NOMO1: variants seen among roughly 807,000 people sequenced by gnomAD.
NOMO1 encodes the protein nodal modulator 3.
Under a neutral mutation model 133.8 loss-of-function variants are expected in NOMO1, and 40 were observed. The observed-to-expected ratio is 0.30, with a 90% CI of 0.23 to 0.39. The LOEUF (loss-of-function observed/expected upper bound fraction) is 0.39. Ranked by LOEUF, NOMO1 falls within the 10% of genes least tolerant of loss-of-function variation. The probability of loss-of-function intolerance (pLI) is 1.00; values close to 1 mark genes in which losing one functional copy is unlikely to be tolerated. For synonymous variants in NOMO1, 236 were observed against 570.5 expected (o/e 0.41, Z 8.36); for missense variants, 462 against 1,419.9 (o/e 0.33, Z 10.84).
intron 9 of NOMO1, among the ~76,000 whole-genome samples, chr16:14,854,379 A>T (rs1458124096): frequency 8.2e-6 from 1 of 122,686 alleles, no homozygotes; most frequent in African/African-American, 3.1e-5. Context: ...GTGTGGCTCA[A>T]GCTGGAGTGC....
At chr16:14,836,309 T>TGTG (rs1435803083) in intron 1 of NOMO1, among the ~76,000 whole-genome samples, 3 of 150,368 alleles carry the variant, frequency 2.0e-5, no homozygotes, top group African/African-American at 7.5e-5. Flanking sequence ...GGAATGAAGT[T>TGTG]GTCACTGACC....
chr16:14,866,502 G>A (rs1477837239), intron 14 of NOMO1, 53 bp from the exon 15 acceptor site: 5 of 1,609,944 alleles, frequency 3.1e-6, no homozygotes, highest in African/African-American at 1.4e-5. Context: ...TGGCGTGGAG[G>A]GAGGTGGTGT....
intron 4 of NOMO1, among the ~76,000 whole-genome samples, chr16:14,846,338 G>T (rs1963681549): frequency 6.6e-6 from 1 of 150,550 alleles, no homozygotes; most frequent in Non-Finnish European, 1.5e-5. Flanking sequence ...GACCAATAAT[G>T]GTGAATCTAT....
chr16:14,846,759 T>C lies in NOMO1; in HGVS notation c.509+76T>C, dbSNP rs1963688480. 3.3e-6 allele frequency: 5 copies of C among 1,517,896 alleles called. No homozygotes were observed. In the Admixed American group the frequency reaches 9.3e-5, roughly 28 times the overall value. 94.0% of individuals were successfully genotyped at this position (1,517,896 alleles called of 1,614,324 possible). ...GGGTCATGGAGCTGGGTTTGGGAGT[T>C]TGGATTCAGGGAGTTCTGGGTTCAG... On this transcript the variant is annotated intron_variant, in intron 5 of 30. Coordinates refer to ENST00000287667, the MANE Select transcript of NOMO1 (RefSeq NM_014287.4).
At chr16:14,850,075 C>CT (rs796863471) in intron 6 of NOMO1, among the ~76,000 whole-genome samples, 1,908 of 143,654 alleles carry the variant, frequency 0.013, 26 homozygotes, top group South Asian at 0.019. Flanking sequence ...AGGATACAGT[C>CT]TTTTTTTTTT....
At chr16:14,867,114 T>C (rs1964007847) in intron 15 of NOMO1, among the ~76,000 whole-genome samples, 1 of 104,538 alleles carries the variant, frequency 9.6e-6, no homozygotes, top group African/African-American at 3.3e-5. Flanking sequence ...GTGTCCTTGG[T>C]GTACACCGCT....
Position 14,887,490 on chromosome 16 carries a change from C to T in NOMO1, c.3324+628C>T, listed in dbSNP as rs546113667. 2.1e-4 allele frequency among the ~76,000 whole-genome samples: 32 copies of T among 151,474 alleles called. 2 individuals carry two copies. The East Asian group carries it at 5.8e-3, about 28-fold the overall frequency. On this transcript the variant is annotated intron_variant, in intron 28 of 30. Transcript: ENST00000287667. ...TTTTTTTTTTTATTTTTAGTAGAGACGGGGTTTCACCATGTTAGCCAGGAT... is the reference window on the plus strand; with the variant it reads ...TTTTTTTTTTTATTTTTAGTAGAGATGGGGTTTCACCATGTTAGCCAGGAT...
chr16:14,872,012 G>T (rs1964088549), intron 17 of NOMO1, among the ~76,000 whole-genome samples: 1 of 152,054 alleles, frequency 6.6e-6, no homozygotes, highest in Admixed American at 6.5e-5. Flanking sequence ...TATTTTTACA[G>T]AAGTGTGTGG....
chr16:14,884,082 T>C (rs550769553), intron 26 of NOMO1, among the ~76,000 whole-genome samples: 64 of 150,268 alleles, frequency 4.3e-4, no homozygotes, highest in Non-Finnish European at 1.8e-4. Flanking sequence ...TAAGAGAAGC[T>C]GGAAAATCTG....
In NOMO1 at chr16:14,851,419, TA is replaced by T. The variant is rs1271801085; in HGVS notation, c.583-1006del. Among the ~76,000 whole-genome samples, 3 of 150,654 alleles carry T rather than the reference TA, an allele frequency of 2.0e-5. No homozygotes were observed. In the East Asian group the frequency reaches 5.9e-4, roughly 30 times the overall value. On this transcript the variant is annotated intron_variant, in intron 6 of 30. Transcript: ENST00000287667. ...TTTATTGTACCTTAACAAAAATGTT[TA>T]AAAATATACACATATTGTGAAAAGA...
intron 5 of NOMO1, 62 bp downstream of exon 5, chr16:14,846,745 C>G: frequency 7.7e-7 from 1 of 1,294,704 alleles, no homozygotes; most frequent in Non-Finnish European, 1.1e-6. Flanking sequence ...GGTCATGGAG[C>G]TGGGTTTGGG....
At chr16:14,883,727 A>C (rs1964278485) in intron 26 of NOMO1, among the ~76,000 whole-genome samples, 1 of 150,974 alleles carries the variant, frequency 6.6e-6, no homozygotes, top group African/African-American at 2.4e-5. Flanking sequence ...TTCTCGGTGT[A>C]GTAACTTAGG....
At position 14,846,673 on chromosome 16, in the gene NOMO1, C is replaced by T; in HGVS notation, c.499C>T (p.Pro167Ser). The T allele has an allele frequency of 8.1e-7, 1 of 1,237,150 alleles. No homozygotes were observed. Among genetic ancestry groups the T allele is most frequent in the East Asian group, 2.5e-5 (1 of 40,454 alleles). 76.6% of individuals were successfully genotyped at this position (1,237,150 alleles called of 1,614,324 possible). A position where few individuals can be genotyped will look rare whatever the true frequency, so the allele number is the denominator to read the frequency against. The change falls in exon 5 of 31, where the codon CCT becomes TCT. Residue 167 changes from proline to serine, a missense_variant. Pro to Ser is a moderately conservative substitution (Grantham distance 74, BLOSUM62 -1). Transcript: ENST00000287667. ...EAKIQSTVTQ[P>S]GGKFAFFKVL... Reference sequence around the variant, plus strand: ...AAAGATCCAGTCCACAGTTACACAGCCTGGCGGAAAGTGAGTAGCGTCCTG... The same window carrying T: ...AAAGATCCAGTCCACAGTTACACAGTCTGGCGGAAAGTGAGTAGCGTCCTG...
rs774584063 is a variant in NOMO1 at position 14,857,646 on chromosome 16, T to C, written c.1211T>C (p.Ile404Thr). 32 of 1,613,610 alleles carry C rather than the reference T, an allele frequency of 2.0e-5. No homozygotes were observed. Among genetic ancestry groups the C allele is most frequent in the Non-Finnish European group, 2.7e-5 (32 of 1,179,844 alleles). ...APNTPQLADIIATGFSVCGQI... is the reference protein window; with the variant it reads ...APNTPQLADITATGFSVCGQI... Reference sequence around the variant, plus strand: ...AACACACCTCAGCTGGCTGACATTATTGCAACAGGGTAAGCTTATCGTGTG... The same window carrying C: ...AACACACCTCAGCTGGCTGACATTACTGCAACAGGGTAAGCTTATCGTGTG... The change falls in exon 11 of 31, where the codon ATT becomes ACT. Residue 404 changes from isoleucine to threonine, a missense_variant. Ile to Thr is a moderately conservative substitution (Grantham distance 89, BLOSUM62 -1). Coordinates refer to ENST00000287667, the MANE Select transcript of NOMO1 (RefSeq NM_014287.4).
intron 20 of NOMO1, 131 bp downstream of exon 20, chr16:14,875,553 C>G (rs1964146120): frequency 1.1e-6 from 1 of 913,338 alleles, no homozygotes; most frequent in Admixed American, 2.1e-5. Context: ...CTCTGGCACA[C>G]AGATGTTACT....
chr16:14,833,812 C>T lies in NOMO1; in HGVS notation c.-40C>T. On this transcript the variant is annotated 5_prime_UTR_variant, in exon 1 of 31. Coordinates refer to ENST00000287667, the MANE Select transcript of NOMO1 (RefSeq NM_014287.4). ...CGGCGTGCAGTGTGAGGGGCGGGAC[C>T]CGGCTGCCGGCGGTGGGTCTAGCTG... 4.6e-6 allele frequency: 2 copies of T among 437,106 alleles called. No individual in the cohort carries two copies. 27.1% of individuals were successfully genotyped at this position (437,106 alleles called of 1,614,324 possible).
At chr16:14,883,441 A>G (rs1323421286) in intron 26 of NOMO1, among the ~76,000 whole-genome samples, 2 of 148,428 alleles carry the variant, frequency 1.3e-5, no homozygotes, top group African/African-American at 5.0e-5. Flanking sequence ...GGTTCAAGTG[A>G]TTTTCCCACC....
intron 12 of NOMO1, 110 bp from the exon 13 acceptor site, chr16:14,864,475 C>G: frequency 2.6e-6 from 4 of 1,536,932 alleles, no homozygotes; most frequent in Non-Finnish European, 3.5e-6. Context: ...GAACCTTTGG[C>G]CTTCAAAATC....
chr16:14,856,892 G>C (rs1009231342), intron 9 of NOMO1, among the ~76,000 whole-genome samples: 1 of 151,962 alleles, frequency 6.6e-6, no homozygotes, highest in African/African-American at 2.4e-5. Flanking sequence ...ACCAAAATGG[G>C]GGCATCTGGA....
Sources: allele counts gnomAD v4.1 joint callset (sites outside exome capture counted in the v4.1 genomes callset), GRCh38; gene constraint gnomAD v4.1.1; transcripts MANE v1.5; gene names NCBI Gene and HGNC (gene_info 2026-07-23, HGNC 2026-07-21).